The following PFKFB2 variants were observed in gnomAD, a reference collection of about 807,000 sequenced individuals.
PFKFB2 encodes 6-phosphofructo-2-kinase/fructose-2,6-biphosphatase 2, also known as 6-phosphofructo-2-kinase/fructose-2,6-bisphosphatase 2.
Under a neutral mutation model 68.0 loss-of-function variants are expected in PFKFB2, and 53 were observed. The ratio of observed to expected loss-of-function variants is 0.78; its 90% CI spans 0.63 to 0.98. The LOEUF (loss-of-function observed/expected upper bound fraction) is 0.98. Ranked by LOEUF, PFKFB2 falls within the 50% of genes least tolerant of loss-of-function variation. The pLI is 0.00. For synonymous variants in PFKFB2, 222 were observed against 227.6 expected, an observed-to-expected ratio of 0.98 and a Z score of 0.22; for missense variants, 451 against 642.0, an observed-to-expected ratio of 0.70 and a Z score of 3.22.
At chr1:207,039,576 C>T (rs561530859) in intron 1 of PFKFB2, among the ~76,000 whole-genome samples, 3 of 152,136 alleles carry the variant, frequency 2.0e-5, no homozygotes, top group Non-Finnish European at 2.9e-5. Context: ...CTTCTTTCCT[C>T]CATTGTTGAC....
Position 207,070,264 on chromosome 1 carries a change from C to G in PFKFB2, c.1093-16C>G. 1 of 1,612,306 alleles carries G rather than the reference C, an allele frequency of 6.2e-7. No individual in the cohort carries two copies. Among genetic ancestry groups the G allele is most frequent in the African/African-American group, 1.3e-5 (1 of 74,950 alleles). The stretch of plus-strand genomic sequence containing the variant: ...GCACCTGGGCTCCTGCCAGCCTGCC[C>G]CATTTCCCTCCACAGTCATACCAGG... On this transcript the variant is annotated splice_polypyrimidine_tract_variant and intron_variant, in intron 11 of 14. Transcript: ENST00000367080. This position sits in a 1 kb window ranked among gnomAD's most constrained non-coding sequence, Gnocchi z 4.2.
chr1:207,036,522 C>T (rs1295434802), intron 1 of PFKFB2, among the ~76,000 whole-genome samples: 1 of 152,204 alleles, frequency 6.6e-6, no homozygotes, highest in African/African-American at 2.4e-5. Flanking sequence ...CACTCTTTTT[C>T]TCTCTCCATA....
chr1:207,074,929 G>T lies in PFKFB2; in HGVS notation c.*2558G>T. 3.0e-6 allele frequency: 3 copies of T among 985,490 alleles called. No individual in the cohort carries two copies. In the South Asian group the frequency reaches 1.4e-4, roughly 46 times the overall value. The allele number at this position is 985,490 out of a possible 1,614,324, so 61.0% of individuals were successfully genotyped here. A position where few individuals can be genotyped will look rare whatever the true frequency, so the allele number is the denominator to read the frequency against. On this transcript the variant is annotated 3_prime_UTR_variant, in exon 15 of 15. Transcript: ENST00000367080. Reference sequence around the variant, plus strand: ...GATGCCCCCACCACCACCAGTGTGAGAATGAGATATGGTTGGGGAGGCGTG... The same window carrying T: ...GATGCCCCCACCACCACCAGTGTGATAATGAGATATGGTTGGGGAGGCGTG...
rs376424760 is a variant in PFKFB2 at position 207,058,002 on chromosome 1, A to G, written c.85+3200A>G. Among the ~76,000 whole-genome samples, 29 of 152,372 alleles carry G rather than the reference A, an allele frequency of 1.9e-4. No homozygotes were observed. In the South Asian group the frequency reaches 5.0e-3, roughly 26 times the overall value. ...CAGAAATAATAGAAAAGATAGACAC[A>G]TTGGAAATGTTCATCAGTATTACTA... is the stretch of plus-strand genomic sequence containing the variant. On this transcript the variant is annotated intron_variant, in intron 2 of 14. Transcript: ENST00000367080.
At chr1:207,056,896 T>C (rs1682939440) in intron 2 of PFKFB2, among the ~76,000 whole-genome samples, 1 of 152,202 alleles carries the variant, frequency 6.6e-6, no homozygotes, top group South Asian at 2.1e-4. Context: ...ACCTGGCAGC[T>C]TAGTGTTCAC....
At position 207,077,439 on chromosome 1, in the gene PFKFB2, C is replaced by G; in HGVS notation, c.*5068C>G. The G allele has an allele frequency of 1.0e-6, 1 of 985,152 alleles. No homozygotes were observed. The highest frequency in any genetic ancestry group is 1.2e-6 in the Non-Finnish European group (1 of 829,756). 61.0% of individuals were successfully genotyped at this position (985,152 alleles called of 1,614,324 possible). On this transcript the variant is annotated 3_prime_UTR_variant, in exon 15 of 15. Coordinates refer to ENST00000367080, the MANE Select transcript of PFKFB2 (RefSeq NM_006212.2). Reference sequence around the variant, plus strand: ...TTTTTGTATCTGAATTGCTTATGTACGTTTTTTATTATATTGACCTAACAA... The same window carrying G: ...TTTTTGTATCTGAATTGCTTATGTAGGTTTTTTATTATATTGACCTAACAA...
chr1:207,076,188 G>T lies in PFKFB2; in HGVS notation c.*3817G>T. On this transcript the variant is annotated 3_prime_UTR_variant, in exon 15 of 15. Transcript: ENST00000367080. ...CCACATTTGGTCTTCAGAGACACTGGCATTTTGAAGAAACATATGATATAG... is the reference window on the plus strand; with the variant it reads ...CCACATTTGGTCTTCAGAGACACTGTCATTTTGAAGAAACATATGATATAG... 1.0e-6 allele frequency: 1 copy of T among 983,162 alleles called. No homozygotes were observed. The highest frequency in any genetic ancestry group is 1.2e-6 in the Non-Finnish European group (1 of 828,146). The allele number at this position is 983,162 out of a possible 1,614,324, so 60.9% of individuals were successfully genotyped here.
upstream of PFKFB2, chr1:207,052,090 C>T (rs930375659): frequency 2.0e-6 from 2 of 1,025,364 alleles, no homozygotes; most frequent in Non-Finnish European, 3.0e-6. Context: ...GGGATTCAGA[C>T]AGCAAGTCCC....
Position 207,075,497 on chromosome 1 carries a change from G to A in PFKFB2, c.*3126G>A. On this transcript the variant is annotated 3_prime_UTR_variant, in exon 15 of 15. Transcript: ENST00000367080. Reference sequence around the variant, plus strand: ...CTCTCCTGGTCTTACTTGAATGCATGTTGGTAATCTGTATACATTACTATG... The same window carrying A: ...CTCTCCTGGTCTTACTTGAATGCATATTGGTAATCTGTATACATTACTATG... 2 of 985,314 alleles carry A rather than the reference G, an allele frequency of 2.0e-6. No homozygotes were observed. Among genetic ancestry groups the A allele is most frequent in the Non-Finnish European group, 2.4e-6 (2 of 829,812 alleles). 61.0% of individuals were successfully genotyped at this position (985,314 alleles called of 1,614,324 possible).
At chr1:207,049,804 C>A (rs778430703), upstream of PFKFB2, 1 of 1,324,702 alleles carries the variant, frequency 7.5e-7, no homozygotes, top group Non-Finnish European at 1.0e-6. Context: ...CTGTAAATTA[C>A]AAACTGAAGG....
At chr1:207,068,052 C>A in intron 9 of PFKFB2, 111 bp from the exon 10 acceptor site, 1 of 946,404 alleles carries the variant, frequency 1.1e-6, no homozygotes, top group Non-Finnish European at 1.6e-6. Flanking sequence ...TGCACGTTGT[C>A]CCTTACAGAC....
At position 207,070,080 on chromosome 1, in the gene PFKFB2, T is replaced by G. The variant is rs1403454769; in HGVS notation, c.1093-200T>G. ...TAACCTGTAGTTTTCTTGGTCTAAA[T>G]ATTGCTTTTGAAAGATCTGAGTTTT... On this transcript the variant is annotated intron_variant, in intron 11 of 14. Coordinates refer to ENST00000367080, the MANE Select transcript of PFKFB2 (RefSeq NM_006212.2). The surrounding 1 kb of genome is among the most constrained non-coding windows in gnomAD (Gnocchi z 4.2). Among the ~76,000 whole-genome samples, 1 of 152,208 alleles carries G rather than the reference T, an allele frequency of 6.6e-6. No homozygotes were observed. The highest frequency in any genetic ancestry group is 6.5e-5 in the Admixed American group (1 of 15,284).
At chr1:207,050,369 A>C (rs80181065), upstream of PFKFB2, among the ~76,000 whole-genome samples, 1 of 152,172 alleles carries the variant, frequency 6.6e-6, no homozygotes, top group Non-Finnish European at 1.5e-5. Context: ...AAGGACAGAG[A>C]AAATAGGCCC....
Position 207,076,790 on chromosome 1 carries a change from A to T in PFKFB2, c.*4419A>T, listed in dbSNP as rs533507033. On this transcript the variant is annotated 3_prime_UTR_variant, in exon 15 of 15. Coordinates refer to ENST00000367080, the MANE Select transcript of PFKFB2 (RefSeq NM_006212.2). The stretch of plus-strand genomic sequence containing the variant: ...TGTAGTAGTGTCTGTGTGCTGACTG[A>T]TAGATAGACTATAGTAAAATTTGGG... 2 of 980,448 alleles carry T rather than the reference A, an allele frequency of 2.0e-6. No individual in the cohort carries two copies. The highest frequency in any genetic ancestry group is 3.6e-5 in the African/African-American group (2 of 56,238). 60.7% of individuals were successfully genotyped at this position (980,448 alleles called of 1,614,324 possible).
At chr1:207,041,605 G>A (rs1682481791) in intron 1 of PFKFB2, among the ~76,000 whole-genome samples, 4 of 152,312 alleles carry the variant, frequency 2.6e-5, no homozygotes, top group Middle Eastern at 6.8e-3. Flanking sequence ...TGGTGTATAT[G>A]TGCCACATTT....
intron 9 of PFKFB2, 26 bp from the exon 10 acceptor site, chr1:207,068,137 C>G: frequency 6.8e-7 from 1 of 1,469,738 alleles, no homozygotes. Context: ...TTCTTTTTAC[C>G]CTTAATTTTC....
chr1:207,051,243 A>T (rs537183741), upstream of PFKFB2, among the ~76,000 whole-genome samples: 1 of 152,306 alleles, frequency 6.6e-6, no homozygotes, highest in Non-Finnish European at 1.5e-5. Context: ...TATATGCTCA[A>T]GAAAAGAGGG....
chr1:207,064,837 T>C (rs1370929513), intron 7 of PFKFB2, among the ~76,000 whole-genome samples, 199 bp from the exon 8 acceptor site: 2 of 151,922 alleles, frequency 1.3e-5, no homozygotes, highest in African/African-American at 4.8e-5. Context: ...GACTCCCCAG[T>C]TGTCTTAACT....
At position 207,075,763 on chromosome 1, in the gene PFKFB2, T is replaced by G; in HGVS notation, c.*3392T>G. 2.0e-6 allele frequency: 2 copies of G among 983,834 alleles called. No homozygotes were observed. The highest frequency in any genetic ancestry group is 2.4e-6 in the Non-Finnish European group (2 of 828,492). The allele number at this position is 983,834 out of a possible 1,614,324, so 60.9% of individuals were successfully genotyped here. A position where few individuals can be genotyped will look rare whatever the true frequency, so the allele number is the denominator to read the frequency against. On this transcript the variant is annotated 3_prime_UTR_variant, in exon 15 of 15. Coordinates refer to ENST00000367080, the MANE Select transcript of PFKFB2 (RefSeq NM_006212.2). ...CACCTCTAAAAAAGTTTTTTATAAA[T>G]TTACTTGTCTAAAGTGGGGAAAGGG...
Sources: gnomAD v4.1 joint callset for allele counts (sites outside exome capture counted in the v4.1 genomes callset) on GRCh38, gnomAD v4.1.1 for gene constraint, Gnocchi (gnomAD v3.1) non-coding constraint, MANE v1.5 for transcripts, NCBI Gene and HGNC (gene_info 2026-07-23, HGNC 2026-07-21) for gene names.